Variants in MTOR observed in about 807,000 individuals in gnomAD.
The protein encoded by MTOR is mechanistic target of rapamycin kinase.
Under a neutral mutation model 319.8 loss-of-function variants are expected in MTOR, and 70 were observed. The observed-to-expected ratio is 0.22, with a 90% confidence interval of 0.18 to 0.27. The LOEUF is 0.27. Ranked by LOEUF, MTOR falls within the 10% of genes least tolerant of loss-of-function variation. The pLI is 1.00. For synonymous variants in MTOR, 1,183 were observed against 1,211.4 expected, an observed-to-expected ratio of 0.98 and a Z score of 0.49; for missense variants, 1,890 against 3,274.4, an observed-to-expected ratio of 0.58 and a Z score of 10.32.
chr1:11,227,162 G>A (rs766869410), intron 19 of MTOR, among the ~76,000 whole-genome samples: 9 of 151,580 alleles, frequency 5.9e-5, no homozygotes, highest in Non-Finnish European at 1.0e-4. Context: ...GCCGGGCTTG[G>A]TGGTGCACCC....
rs2100381863 is a variant in MTOR at position 11,124,553 on chromosome 1, C to T, written c.6607G>A (p.Gly2203Ser). 2 of 1,612,682 alleles carry T rather than the reference C, an allele frequency of 1.2e-6. No individual in the cohort carries two copies. The highest frequency in any genetic ancestry group is 1.7e-6 in the Non-Finnish European group (2 of 1,178,740). ...RQDERVMQLF[G>S]LVNTLLANDP... ...TTGGCCAGAAGGGTGTTAACCAGGC[C>T]GAAGAGCTGCATCACACGCTCATCC... Residue 2203 changes from glycine (G) to serine (S), a missense_variant, in exon 47 of 58, where the codon GGC becomes AGC. Gly to Ser is a moderately conservative substitution (Grantham distance 56). Transcript: ENST00000361445.
chr1:11,255,800 T>C (rs985535418), intron 5 of MTOR, among the ~76,000 whole-genome samples, 192 bp downstream of exon 5: 2 of 150,394 alleles, frequency 1.3e-5, no homozygotes, highest in Non-Finnish European at 2.9e-5. Context: ...TGAGCCGAGA[T>C]TGCGCCACTG....
chr1:11,220,470 T>C (rs942930275), intron 19 of MTOR, among the ~76,000 whole-genome samples: 1 of 152,214 alleles, frequency 6.6e-6, no homozygotes, highest in African/African-American at 2.4e-5. Flanking sequence ...TTTATTTCAA[T>C]GAATGCTCCT....
intron 26 of MTOR, among the ~76,000 whole-genome samples, chr1:11,202,986 G>C (rs1646027743): frequency 6.6e-6 from 1 of 152,142 alleles, no homozygotes. Flanking sequence ...GCCAAGGCAG[G>C]TGGATCATTT....
chr1:11,110,442 G>T (rs1469546806), intron 54 of MTOR, among the ~76,000 whole-genome samples: 3 of 151,804 alleles, frequency 2.0e-5, no homozygotes, highest in Non-Finnish European at 2.9e-5. Flanking sequence ...CGCTCTTGTT[G>T]CCCAGGCTGG....
At chr1:11,259,544 A>C (rs1650843598) in intron 1 of MTOR, 121 bp from the exon 2 acceptor site, 2 of 1,061,064 alleles carry the variant, frequency 1.9e-6, no homozygotes, top group Admixed American at 2.9e-5. Flanking sequence ...GATTCTAAAA[A>C]GGTTGAGAGA....
At chr1:11,194,358 T>C (rs906699491) in intron 28 of MTOR, 35 of 1,084,378 alleles carry the variant, frequency 3.2e-5, no homozygotes, top group Non-Finnish European at 4.7e-5. Context: ...TTCACACCTA[T>C]AAAAAGATGT....
intron 28 of MTOR, chr1:11,192,318 CTG>C (rs758392351): frequency 2.9e-5 from 46 of 1,614,002 alleles, no homozygotes; most frequent in Non-Finnish European, 3.6e-5. Context: ...TACCGCATCT[CTG>C]GAGTGTATAA....
intron 28 of MTOR, among the ~76,000 whole-genome samples, chr1:11,194,201 C>T (rs1291185250): frequency 6.6e-6 from 1 of 152,158 alleles, no homozygotes; most frequent in African/African-American, 2.4e-5. Flanking sequence ...AACATAGCTG[C>T]ACCTTATAAG....
At chr1:11,230,011 G>A (rs1414382958) in intron 18 of MTOR, among the ~76,000 whole-genome samples, 1 of 151,640 alleles carries the variant, frequency 6.6e-6, no homozygotes, top group Non-Finnish European at 1.5e-5. Context: ...AAAGGCAATG[G>A]GCAACAGACC....
At chr1:11,218,277 A>AC (rs1325981588) in intron 19 of MTOR, among the ~76,000 whole-genome samples, 1 of 152,114 alleles carries the variant, frequency 6.6e-6, no homozygotes, top group Non-Finnish European at 1.5e-5. Context: ...TAAAAATACA[A>AC]AATTTAGCTG....
chr1:11,236,902 A>C (rs1647291144), intron 13 of MTOR, among the ~76,000 whole-genome samples: 1 of 152,236 alleles, frequency 6.6e-6, no homozygotes. Flanking sequence ...GCAGTTAAAT[A>C]AATCATTACG....
At chr1:11,179,210 AC>A (rs1304469921) in intron 28 of MTOR, among the ~76,000 whole-genome samples, 1 of 152,180 alleles carries the variant, frequency 6.6e-6, no homozygotes, top group East Asian at 1.9e-4. Context: ...AGAGCCCAGC[AC>A]CTACTAGATT....
At chr1:11,173,037 A>C (rs1198726934) in intron 28 of MTOR, among the ~76,000 whole-genome samples, 1 of 150,222 alleles carries the variant, frequency 6.7e-6, no homozygotes, top group Non-Finnish European at 1.5e-5. Flanking sequence ...TCTGTCACCC[A>C]GGCTGGAGTG....
At chr1:11,119,054 T>C (rs1171196497) in intron 49 of MTOR, among the ~76,000 whole-genome samples, 1 of 151,876 alleles carries the variant, frequency 6.6e-6, no homozygotes, top group Non-Finnish European at 1.5e-5. Flanking sequence ...AAGACTTAAA[T>C]GTAAAAAAAA....
chr1:11,155,293 G>C (rs908785383), intron 30 of MTOR, among the ~76,000 whole-genome samples: 6 of 152,132 alleles, frequency 3.9e-5, no homozygotes, highest in Non-Finnish European at 8.8e-5. Flanking sequence ...GAAAACAGCA[G>C]AGTGCAAAAT....
chr1:11,197,427 G>A (rs1051141351), intron 28 of MTOR, among the ~76,000 whole-genome samples: 1 of 152,204 alleles, frequency 6.6e-6, no homozygotes, highest in African/African-American at 2.4e-5. Flanking sequence ...GTGATGGGAA[G>A]ACACAGGAGA....
intron 29 of MTOR, among the ~76,000 whole-genome samples, 170 bp downstream of exon 29, chr1:11,167,272 C>A (rs913769220): frequency 3.3e-5 from 5 of 151,838 alleles, no homozygotes; most frequent in African/African-American, 1.2e-4. Flanking sequence ...GAAATAGAGT[C>A]CCTACAGACA....
rs755284309 is a variant in MTOR at position 11,109,387 on chromosome 1, T to C, written c.7448-17A>G. On this transcript the variant is annotated splice_polypyrimidine_tract_variant and intron_variant, in intron 55 of 57. Coordinates refer to ENST00000361445, the MANE Select transcript of MTOR (RefSeq NM_004958.4). This position sits in a 1 kb window ranked among gnomAD's most constrained non-coding sequence, Gnocchi z 4.0. ...CGTCTCCAACTGGAATACACAAAAG[T>C]AGAAATAACTGTAAGAATGGGAGCA... 2.5e-6 allele frequency: 4 copies of C among 1,609,746 alleles called. No homozygotes were observed. Among genetic ancestry groups the C allele is most frequent in the East Asian group, 4.5e-5 (2 of 44,874 alleles).
Sources: gnomAD v4.1 joint callset for allele counts (sites outside exome capture counted in the v4.1 genomes callset) on GRCh38, gnomAD v4.1.1 for gene constraint, Gnocchi (gnomAD v3.1) non-coding constraint, MANE v1.5 for transcripts, NCBI Gene and HGNC (gene_info 2026-07-23, HGNC 2026-07-21) for gene names.